Variants in SLC17A1 observed in about 807,000 individuals in gnomAD.
The protein encoded by SLC17A1 is solute carrier family 17 member 1.
A neutral mutation model predicts 53.5 loss-of-function variants in SLC17A1; 51 were observed. The observed-to-expected ratio is 0.95, with a 90% CI of 0.76 to 1.20. The LOEUF is 1.20. SLC17A1 is among the 50% of genes most tolerant of loss of function. The probability of loss-of-function intolerance (pLI) is 0.00; values close to 1 mark genes in which losing one functional copy is unlikely to be tolerated. For synonymous variants in SLC17A1, 179 were observed against 198.8 expected (o/e 0.90, Z 0.84); for missense variants, 538 against 568.2 (o/e 0.95, Z 0.54).
chr6:25,742,409 C>T, the SLC17A1 span, among the ~76,000 whole-genome samples: 1 of 151,138 alleles, frequency 6.6e-6, no homozygotes, highest in Non-Finnish European at 1.5e-5. Flanking sequence ...CCTATAATCC[C>T]ATCATTTAGA....
At chr6:25,810,474 A>T (rs561522838) in intron 10 of SLC17A1, among the ~76,000 whole-genome samples, 19 of 152,298 alleles carry the variant, frequency 1.2e-4, no homozygotes, top group Non-Finnish European at 2.6e-4. Context: ...TCAAAAAAAG[A>T]TATACTATCA....
chr6:25,776,233 G>A, the SLC17A1 span, among the ~76,000 whole-genome samples: 1 of 152,042 alleles, frequency 6.6e-6, no homozygotes, highest in African/African-American at 2.4e-5. Context: ...TTCATTATGA[G>A]TAAAGTTGGA....
At chr6:25,741,815 C>T in the SLC17A1 span, among the ~76,000 whole-genome samples, 1 of 152,012 alleles carries the variant, frequency 6.6e-6, no homozygotes, top group African/African-American at 2.4e-5. Context: ...GCAGAGAATC[C>T]TTTGAACTTG....
the SLC17A1 span, among the ~76,000 whole-genome samples, chr6:25,748,343 C>T: frequency 6.6e-6 from 1 of 152,074 alleles, no homozygotes; most frequent in African/African-American, 2.4e-5. Context: ...ATCAGGAGAA[C>T]ACAAAAAGAT....
At chr6:25,744,914 C>T in the SLC17A1 span, among the ~76,000 whole-genome samples, 1 of 152,180 alleles carries the variant, frequency 6.6e-6, no homozygotes, top group Non-Finnish European at 1.5e-5. Flanking sequence ...ATTTCAGTAC[C>T]CCAAAACTAT....
chr6:25,730,188 C>G, the SLC17A1 span, among the ~76,000 whole-genome samples: 13 of 152,080 alleles, frequency 8.5e-5, no homozygotes, highest in African/African-American at 2.7e-4. Flanking sequence ...AAATCAGTTT[C>G]TCAAAGAGAT....
Position 25,812,901 on chromosome 6 carries a change from C to T in SLC17A1, c.827G>A (p.Trp276Ter), listed in dbSNP as rs767700918. 3.7e-6 allele frequency: 6 copies of T among 1,613,388 alleles called. No individual in the cohort carries two copies. Among genetic ancestry groups the T allele is most frequent in the East Asian group, 4.5e-5 (2 of 44,864 alleles). Residue 276 changes from tryptophan (W) to a stop codon, truncating the protein, a stop_gained, in exon 8 of 13, where the codon TGG (tryptophan) becomes TAG (stop). Coordinates refer to ENST00000244527, the MANE Select transcript of SLC17A1 (RefSeq NM_005074.5). LOFTEE classifies it high-confidence loss of function. ...GTATAGTGTCATGATGTTATGTGAC[C>T]AGAAAAACGTAAAACTACCAGTGGA... ...AISTGSFTFF[W>*]SHNIMTLYTP... is the part of the protein sequence containing the mutation.
rs765762597 is a variant in SLC17A1 at position 25,813,023 on chromosome 6, T to G, written c.736-31A>C. On this transcript the variant is annotated intron_variant, in intron 7 of 12. Coordinates refer to ENST00000244527, the MANE Select transcript of SLC17A1 (RefSeq NM_005074.5). The stretch of plus-strand genomic sequence containing the variant: ...GAGAAATTCATTAAGAATTAGCACA[T>G]TAGAACAAACTGGAACATGTTTAGT... The G allele has an allele frequency of 1.9e-6, 3 of 1,613,224 alleles. No homozygotes were observed. In the Admixed American group the frequency reaches 5.0e-5, roughly 27 times the overall value.
the SLC17A1 span, among the ~76,000 whole-genome samples, chr6:25,724,086 G>C: frequency 6.6e-6 from 1 of 152,126 alleles, no homozygotes; most frequent in Non-Finnish European, 1.5e-5. Context: ...TAATAAAAAA[G>C]AATACCTGGA....
intron 12 of SLC17A1, 138 bp downstream of exon 12, chr6:25,798,645 A>T: frequency 1.4e-6 from 1 of 691,226 alleles, no homozygotes; most frequent in Non-Finnish European, 2.2e-6. Flanking sequence ...AGGATGTCTA[A>T]TATTCTCAGG....
At chr6:25,761,847 G>C in the SLC17A1 span, 4 of 757,950 alleles carry the variant, frequency 5.3e-6, no homozygotes, top group East Asian at 1.1e-4. Flanking sequence ...AGCAACATTT[G>C]CTCCTAGTTC....
At chr6:25,809,229 G>A (rs557021525) in intron 10 of SLC17A1, among the ~76,000 whole-genome samples, 2 of 151,950 alleles carry the variant, frequency 1.3e-5, no homozygotes, top group African/African-American at 4.8e-5. Context: ...TAGAATAACA[G>A]ACATTAGAGA....
chr6:25,764,302 T>G, the SLC17A1 span, among the ~76,000 whole-genome samples: 1 of 152,132 alleles, frequency 6.6e-6, no homozygotes, highest in African/African-American at 2.4e-5. Flanking sequence ...GGAAAGGCAC[T>G]GAGAACAATA....
chr6:25,773,642 A>G, the SLC17A1 span: 13 of 1,613,706 alleles, frequency 8.1e-6, no homozygotes, highest in East Asian at 1.6e-4. Context: ...ACCAACGTAC[A>G]TCAGCTCGGT....
Position 25,813,003 on chromosome 6 carries a change from A to T in SLC17A1, c.736-11T>A. ...TCTACTTGAACTGACCTGGAGAGAA[A>T]TTCATTAAGAATTAGCACATTAGAA... On this transcript the variant is annotated splice_polypyrimidine_tract_variant and intron_variant, in intron 7 of 12. Transcript: ENST00000244527. 1 of 1,613,788 alleles carries T rather than the reference A, an allele frequency of 6.2e-7. No homozygotes were observed. The highest frequency in any genetic ancestry group is 8.5e-7 in the Non-Finnish European group (1 of 1,179,856).
At chr6:25,802,854 T>C (rs566037360) in intron 10 of SLC17A1, among the ~76,000 whole-genome samples, 2 of 151,768 alleles carry the variant, frequency 1.3e-5, no homozygotes, top group Admixed American at 1.3e-4. Context: ...GCAGTTTCAC[T>C]AGATAGGTTT....
At chr6:25,735,281 G>A in the SLC17A1 span, among the ~76,000 whole-genome samples, 1 of 152,220 alleles carries the variant, frequency 6.6e-6, no homozygotes, top group Admixed American at 6.5e-5. Context: ...AATAGGGAAT[G>A]TAGGGGGATT....
chr6:25,788,338 C>A (rs1763427664), intron 12 of SLC17A1, among the ~76,000 whole-genome samples: 1 of 152,156 alleles, frequency 6.6e-6, no homozygotes, highest in Admixed American at 6.5e-5. Context: ...CAGTGAAAGA[C>A]TTAAGGGCAT....
intron 10 of SLC17A1, among the ~76,000 whole-genome samples, chr6:25,804,957 G>A (rs1763904507): frequency 6.6e-6 from 1 of 152,078 alleles, no homozygotes; most frequent in African/African-American, 2.4e-5. Flanking sequence ...ACACTCCACT[G>A]ACAGCAGTAG....
Sources: allele counts gnomAD v4.1 joint callset (sites outside exome capture counted in the v4.1 genomes callset), GRCh38; gene constraint gnomAD v4.1.1; transcripts MANE v1.5; gene names NCBI Gene and HGNC (gene_info 2026-07-23, HGNC 2026-07-21).